SOCS5: variants seen among roughly 807,000 people sequenced by gnomAD.
SOCS5 encodes suppressor of cytokine signaling 5, also known as CIS-6.
In SOCS5, 32 loss-of-function variants were observed where a neutral mutation model predicts 42.8. The ratio of observed to expected loss-of-function variants is 0.75; its 90% CI spans 0.56 to 1.01. SOCS5 has a LOEUF of 1.01. Among genes scored for constraint, SOCS5 ranks in the 50% least tolerant of loss-of-function variants. The probability of loss-of-function intolerance (pLI) is 0.00; values close to 1 mark genes in which losing one functional copy is unlikely to be tolerated. For missense variants in SOCS5, 627 were observed against 653.0 expected, an observed-to-expected ratio of 0.96 and a Z score of 0.43; for synonymous variants, 283 against 229.6, an observed-to-expected ratio of 1.23 and a Z score of -2.10.
intron 1 of SOCS5, among the ~76,000 whole-genome samples, chr2:46,730,053 G>C (rs538687351): frequency 6.6e-6 from 1 of 152,234 alleles, no homozygotes; most frequent in African/African-American, 2.4e-5. Flanking sequence ...GACATCATTA[G>C]AATAGGAGTT....
Position 46,759,019 on chromosome 2 carries a change from C to T in SOCS5, c.489C>T (p.Asp163=), listed in dbSNP as rs781567392. Residue 163 remains aspartate, a synonymous_variant, in exon 2 of 2, where the codon GAC becomes GAT. Transcript: ENST00000394861. ...ERRYGVSSVH[D]MDSVSSRTVG... is the part of the protein sequence containing the mutation. ...GCTACGGCGTAAGTTCTGTACACGA[C>T]ATGGACAGTGTTTCCAGCAGAACTG... 89 of 1,613,880 alleles carry T rather than the reference C, an allele frequency of 5.5e-5. No individual in the cohort carries two copies. In the South Asian group the frequency reaches 9.4e-4, roughly 17 times the overall value.
At chr2:46,734,231 T>C (rs1391976766) in intron 1 of SOCS5, among the ~76,000 whole-genome samples, 2 of 152,204 alleles carry the variant, frequency 1.3e-5, no homozygotes, top group African/African-American at 2.4e-5. Context: ...AAAAATATTA[T>C]ACAGTCATTG....
intron 1 of SOCS5, among the ~76,000 whole-genome samples, chr2:46,730,705 G>T (rs1022761388): frequency 1.3e-5 from 2 of 152,178 alleles, no homozygotes; most frequent in African/African-American, 4.8e-5. Flanking sequence ...ATTCCTAGAA[G>T]ACATTTTATA....
In SOCS5 at chr2:46,747,382, G is replaced by A. The variant is rs141340997; in HGVS notation, c.-12-11137G>A. Among the ~76,000 whole-genome samples the A allele has an allele frequency of 8.2e-4, 124 of 152,054 alleles. 1 individual carries two copies. Among genetic ancestry groups the A allele is most frequent in the Middle Eastern group, 3.4e-3 (1 of 292 alleles). On this transcript the variant is annotated intron_variant, in intron 1 of 1. Transcript: ENST00000394861. ...ACCACAGGCGCACACCACCATACCT[G>A]GCTAACTTTTGTATATAGAGGCAGG...
At position 46,758,563 on chromosome 2, in the gene SOCS5, C is replaced by G. The variant is rs1673779098; in HGVS notation, c.33C>G (p.Phe11Leu). The G allele has an allele frequency of 6.2e-6, 10 of 1,601,406 alleles. No homozygotes were observed. In the South Asian group the frequency reaches 9.1e-5, roughly 15 times the overall value. MDKVGKMWNN[F>L]KYRCQNLFGH... ...AAGTGGGAAAAATGTGGAATAACTT[C>G]AAATACAGGTGTCAGAATCTCTTCG... The change falls in exon 2 of 2, where the codon TTC becomes TTG. Residue 11 changes from phenylalanine (F) to leucine (L), a missense_variant. By Grantham distance (22) the Phe-to-Leu change is conservative (BLOSUM62 0). This residue lies in a region of SOCS5 where 278 missense variants were observed against 246.3 expected (regional missense o/e 1.13). Coordinates refer to ENST00000394861, the MANE Select transcript of SOCS5 (RefSeq NM_144949.3).
chr2:46,735,527 T>G (rs993600483), intron 1 of SOCS5, among the ~76,000 whole-genome samples: 1 of 152,066 alleles, frequency 6.6e-6, no homozygotes, highest in African/African-American at 2.4e-5. Context: ...GCACTTTGTG[T>G]TCCCAGAGCA....
chr2:46,722,266 C>G lies in SOCS5; in HGVS notation c.-13+22817C>G, dbSNP rs148198106. Reference sequence around the variant, plus strand: ...TCTCCTTCCAGCTGTCTTCATTCTCCTGTTTCACTGATGCACACATGCTCA... The same window carrying G: ...TCTCCTTCCAGCTGTCTTCATTCTCGTGTTTCACTGATGCACACATGCTCA... On this transcript the variant is annotated intron_variant, in intron 1 of 1. Coordinates refer to ENST00000394861, the MANE Select transcript of SOCS5 (RefSeq NM_144949.3). Among the ~76,000 whole-genome samples the G allele has an allele frequency of 2.9e-3, 448 of 152,082 alleles. 3 individuals carry two copies. The highest frequency in any genetic ancestry group is 0.011 in the African/African-American group (437 of 41,500).
intron 1 of SOCS5, among the ~76,000 whole-genome samples, chr2:46,721,965 G>A (rs1200690492): frequency 6.6e-6 from 1 of 151,434 alleles, no homozygotes; most frequent in South Asian, 2.1e-4. Context: ...AGAAAAAACA[G>A]GCACATTCCA....
Position 46,759,002 on chromosome 2 carries a change from G to C in SOCS5, c.472G>C (p.Val158Leu), listed in dbSNP as rs373780921. 12 of 1,613,848 alleles carry C rather than the reference G, an allele frequency of 7.4e-6. No homozygotes were observed. The highest frequency in any genetic ancestry group is 1.0e-5 in the Non-Finnish European group (12 of 1,179,852). ...TCAAAGGAGAGAGAGGCGCTACGGC[G>C]TAAGTTCTGTACACGACATGGACAG... Reference protein sequence around the residue: ...GLQRRERRYGVSSVHDMDSVS... With the variant: ...GLQRRERRYGLSSVHDMDSVS... Residue 158 changes from valine (V) to leucine (L), a missense_variant, in exon 2 of 2, where the codon GTA becomes CTA. This residue lies in a region of SOCS5 where 278 missense variants were observed against 246.3 expected (regional missense o/e 1.13). Transcript: ENST00000394861.
At chr2:46,736,789 G>A (rs1399420519) in intron 1 of SOCS5, among the ~76,000 whole-genome samples, 3 of 152,114 alleles carry the variant, frequency 2.0e-5, no homozygotes, top group Non-Finnish European at 4.4e-5. Context: ...GCCACATACA[G>A]GTTGGTATCC....
intron 1 of SOCS5, among the ~76,000 whole-genome samples, chr2:46,715,194 C>T (rs1438572727): frequency 6.6e-6 from 1 of 151,740 alleles, no homozygotes; most frequent in Non-Finnish European, 1.5e-5. Context: ...CATAGTAGGA[C>T]ACAGTATCTA....
chr2:46,710,328 G>A (rs1239559824), intron 1 of SOCS5, among the ~76,000 whole-genome samples: 3 of 152,018 alleles, frequency 2.0e-5, no homozygotes, highest in African/African-American at 4.8e-5. Context: ...TGTATTTTTA[G>A]TAGAGATGGG....
At chr2:46,731,271 T>C (rs563009081) in intron 1 of SOCS5, among the ~76,000 whole-genome samples, 1 of 152,168 alleles carries the variant, frequency 6.6e-6, no homozygotes, top group African/African-American at 2.4e-5. Flanking sequence ...TGTACGGAGC[T>C]GAAAAGATGA....
At chr2:46,745,219 A>G (rs1159563933) in intron 1 of SOCS5, among the ~76,000 whole-genome samples, 1 of 152,164 alleles carries the variant, frequency 6.6e-6, no homozygotes, top group East Asian at 1.9e-4. Flanking sequence ...CATCTTTGAG[A>G]CTGTTTAAAC....
At chr2:46,758,009 G>T (rs1401970581) in intron 1 of SOCS5, among the ~76,000 whole-genome samples, 1 of 152,174 alleles carries the variant, frequency 6.6e-6, no homozygotes, top group African/African-American at 2.4e-5. Flanking sequence ...TTTTATAAGT[G>T]ATGAACACAC....
intron 1 of SOCS5, among the ~76,000 whole-genome samples, chr2:46,749,362 A>G (rs1673575479): frequency 6.6e-6 from 1 of 152,014 alleles, no homozygotes; most frequent in Non-Finnish European, 1.5e-5. Context: ...ACCTTATGTC[A>G]TGTTATCCTG....
intron 1 of SOCS5, among the ~76,000 whole-genome samples, chr2:46,745,538 G>T (rs1225627200): frequency 6.6e-6 from 1 of 152,128 alleles, no homozygotes; most frequent in African/African-American, 2.4e-5. Context: ...ATCAGAATTA[G>T]TTGTAACTGT....
intron 1 of SOCS5, among the ~76,000 whole-genome samples, chr2:46,749,275 T>C (rs1027986607): frequency 4.6e-5 from 7 of 152,226 alleles, no homozygotes; most frequent in Admixed American, 3.3e-4. Flanking sequence ...GTCACTAACA[T>C]GAACTAACAT....
chr2:46,732,623 C>A (rs189115715), intron 1 of SOCS5, among the ~76,000 whole-genome samples: 1 of 152,190 alleles, frequency 6.6e-6, no homozygotes, highest in Non-Finnish European at 1.5e-5. Flanking sequence ...GAATTTTGAA[C>A]AGAAACTATT....
Sources: allele counts gnomAD v4.1 joint callset (sites outside exome capture counted in the v4.1 genomes callset), GRCh38; gene constraint gnomAD v4.1.1; regional missense constraint gnomAD v4.1.1; transcripts MANE v1.5; gene names NCBI Gene and HGNC (gene_info 2026-07-23, HGNC 2026-07-21).